The following ASAP3 variants were observed in gnomAD, a reference collection of about 807,000 sequenced individuals.
ASAP3 encodes the protein ArfGAP with SH3 domain, ankyrin repeat and PH domain 3, also known as arf-GAP with SH3 domain, ANK repeat and PH domain-containing protein 3.
In ASAP3, 85 loss-of-function variants were observed where a neutral mutation model predicts 118.2. The observed-to-expected ratio is 0.72, with a 90% CI of 0.60 to 0.86. ASAP3 has a LOEUF of 0.86. ASAP3 is among the 40% of genes least tolerant of loss of function. The pLI is 0.00. For missense variants in ASAP3, 1,026 were observed against 1,175.0 expected (o/e 0.87, Z 1.85); for synonymous variants, 432 against 477.4 (o/e 0.90, Z 1.24).
At chr1:23,430,860 G>T (rs1457326159) in intron 24 of ASAP3, among the ~76,000 whole-genome samples, 175 bp downstream of exon 24, 2 of 152,058 alleles carry the variant, frequency 1.3e-5, no homozygotes, top group Non-Finnish European at 2.9e-5. Context: ...ACAGGGACTG[G>T]CCAAACCGTG....
chr1:23,450,309 T>A (rs1362506936), intron 5 of ASAP3, among the ~76,000 whole-genome samples: 3 of 152,154 alleles, frequency 2.0e-5, no homozygotes, highest in Non-Finnish European at 4.4e-5. Context: ...AGGAACAGAT[T>A]AAATACATAA....
At chr1:23,431,488 C>T (rs530248573) in intron 23 of ASAP3, among the ~76,000 whole-genome samples, 2 of 152,272 alleles carry the variant, frequency 1.3e-5, no homozygotes, top group East Asian at 1.9e-4. Flanking sequence ...GGATCCCTGG[C>T]TCCTCCTCAG....
At position 23,448,944 on chromosome 1, in the gene ASAP3, G is replaced by A. The variant is rs1376472030; in HGVS notation, c.473+2535C>T. On this transcript the variant is annotated intron_variant, in intron 5 of 24. Transcript: ENST00000336689. Reference sequence around the variant, plus strand: ...AGGACTGGCTGGTGCCTAAGCCTTAGGGGCAGCCCAAGCAACCAACACTGT... The same window carrying A: ...AGGACTGGCTGGTGCCTAAGCCTTAAGGGCAGCCCAAGCAACCAACACTGT... Among the ~76,000 whole-genome samples the A allele has an allele frequency of 2.0e-5, 3 of 152,274 alleles. No homozygotes were observed. In the East Asian group the frequency reaches 5.8e-4, roughly 29 times the overall value.
At chr1:23,458,850 C>T (rs773882821) in intron 1 of ASAP3, among the ~76,000 whole-genome samples, 6 of 152,060 alleles carry the variant, frequency 3.9e-5, no homozygotes, top group South Asian at 2.1e-4. Flanking sequence ...GCTATGATTT[C>T]GCTCTAAAAG....
At chr1:23,461,209 T>A (rs1641574737) in intron 1 of ASAP3, among the ~76,000 whole-genome samples, 1 of 152,156 alleles carries the variant, frequency 6.6e-6, no homozygotes, top group African/African-American at 2.4e-5. Context: ...CTATGGACTT[T>A]TGGTGATGAT....
Position 23,436,410 on chromosome 1 carries a change from G to A in ASAP3, c.1571+150C>T, listed in dbSNP as rs567313466. 2.6e-4 allele frequency: 211 copies of A among 814,414 alleles called. No homozygotes were observed. Among genetic ancestry groups the A allele is most frequent in the African/African-American group, 1.8e-3 (107 of 58,314 alleles). 50.4% of individuals were successfully genotyped at this position (814,414 alleles called of 1,614,324 possible). A position where few individuals can be genotyped will look rare whatever the true frequency, so the allele number is the denominator to read the frequency against. ...ATTCCTGACCTCAAGTGATCCGCCC[G>A]CCTTGGCCTCCCAAAGTGCTGGGAT... On this transcript the variant is annotated intron_variant, in intron 16 of 24. Coordinates refer to ENST00000336689, the MANE Select transcript of ASAP3 (RefSeq NM_017707.4). The surrounding 1 kb of genome is among the most constrained non-coding windows in gnomAD (Gnocchi z 4.2).
chr1:23,462,338 G>A (rs189577167), intron 1 of ASAP3, among the ~76,000 whole-genome samples: 6 of 151,478 alleles, frequency 4.0e-5, no homozygotes, highest in Non-Finnish European at 5.9e-5. Flanking sequence ...ACTGTTTTTC[G>A]ATGCCCTTGT....
rs748214837 is a variant in ASAP3, at chr1:23,437,477, C to T, written c.1103-5G>A. The T allele has an allele frequency of 1.2e-6, 2 of 1,614,030 alleles. No individual in the cohort carries two copies. The highest frequency in any genetic ancestry group is 8.5e-7 in the Non-Finnish European group (1 of 1,179,960). On this transcript the variant is annotated splice_polypyrimidine_tract_variant and splice_region_variant and intron_variant, in intron 12 of 24. Transcript: ENST00000336689. This position sits in a 1 kb window ranked among gnomAD's most constrained non-coding sequence, Gnocchi z 6.1. Reference sequence around the variant, plus strand: ...GAAAGTGGTACGTCCGGTTGTCTGTCGGGAGAGAAGGGGGCTTCTGACCCA... The same window carrying T: ...GAAAGTGGTACGTCCGGTTGTCTGTTGGGAGAGAAGGGGGCTTCTGACCCA...
At chr1:23,457,715 G>T (rs984129583) in intron 1 of ASAP3, among the ~76,000 whole-genome samples, 1 of 152,170 alleles carries the variant, frequency 6.6e-6, no homozygotes, top group East Asian at 1.9e-4. Context: ...GTTTCATTGT[G>T]TTGGCCAGGT....
At chr1:23,472,617 G>A (rs532241943) in intron 1 of ASAP3, among the ~76,000 whole-genome samples, 1 of 152,218 alleles carries the variant, frequency 6.6e-6, no homozygotes, top group African/African-American at 2.4e-5. Context: ...TTTTGCTCTG[G>A]TGCCAGGACC....
Position 23,434,379 on chromosome 1 carries a change from G to A in ASAP3, c.1836-10C>T. The A allele has an allele frequency of 6.2e-7, 1 of 1,613,914 alleles. No homozygotes were observed. The highest frequency in any genetic ancestry group is 8.5e-7 in the Non-Finnish European group (1 of 1,179,804). On this transcript the variant is annotated splice_polypyrimidine_tract_variant and intron_variant, in intron 18 of 24. Coordinates refer to ENST00000336689, the MANE Select transcript of ASAP3 (RefSeq NM_017707.4). ...GGCATCCAGGTGACCACTGGGGAGA[G>A]GAGGGTTCAGGGAGAAAGGAAGGGG...
chr1:23,457,201 G>A (rs1016552052), intron 1 of ASAP3, among the ~76,000 whole-genome samples: 10 of 151,914 alleles, frequency 6.6e-5, no homozygotes, highest in South Asian at 2.1e-4. Flanking sequence ...TGGACTTCCC[G>A]GGTGCAACAG....
chr1:23,480,608 C>A (rs1558195877), intron 1 of ASAP3, among the ~76,000 whole-genome samples: 1 of 152,218 alleles, frequency 6.6e-6, no homozygotes, highest in Admixed American at 6.5e-5. Flanking sequence ...CTCCCTGTAA[C>A]AGGCTACTTC....
chr1:23,452,701 C>G lies in ASAP3; in HGVS notation c.419G>C (p.Arg140Pro), dbSNP rs139815549. ...SLMKGQLRDG[R>P]QDSKKQLEKA... Reference sequence around the variant, plus strand: ...ACTCCCAGCATGGAGACTCACCTGTCGACCGTCCCTCAGCTGCCCCTTCAT... The same window carrying G: ...ACTCCCAGCATGGAGACTCACCTGTGGACCGTCCCTCAGCTGCCCCTTCAT... The change falls in exon 4 of 25, where the codon CGA becomes CCA. Residue 140 changes from arginine to proline, a missense_variant. By Grantham distance (103) the Arg-to-Pro change is moderately radical. Transcript: ENST00000336689. 1 of 1,613,788 alleles carries G rather than the reference C, an allele frequency of 6.2e-7. No individual in the cohort carries two copies. The highest frequency in any genetic ancestry group is 1.1e-5 in the South Asian group (1 of 91,072).
chr1:23,443,489 G>T (rs6701079), intron 5 of ASAP3, among the ~76,000 whole-genome samples: 2,623 of 152,260 alleles, frequency 0.017, 79 homozygotes, highest in African/African-American at 0.059. Context: ...ATTTCAAAGT[G>T]CTTTCATTCT....
At chr1:23,467,738 T>TCAGGAGTTCAAGACCTGGTTCAAGTC (rs1553177861) in intron 1 of ASAP3, among the ~76,000 whole-genome samples, 1 of 151,708 alleles carries the variant, frequency 6.6e-6, no homozygotes, top group Non-Finnish European at 1.5e-5. Context: ...GATCACGAGG[T>TCAGGAGTTCAAGACCTGGTTCAAGTC]CAGGAGTTCA....
chr1:23,482,152 G>A (rs1047261139), intron 1 of ASAP3, among the ~76,000 whole-genome samples: 2 of 152,240 alleles, frequency 1.3e-5, no homozygotes, highest in African/African-American at 4.8e-5. Context: ...GGCTCTGTGA[G>A]ACAAATGAAG....
chr1:23,478,616 C>T (rs896032527), intron 1 of ASAP3, among the ~76,000 whole-genome samples: 8 of 151,762 alleles, frequency 5.3e-5, no homozygotes, highest in Admixed American at 6.6e-5. Context: ...AAAAATTATC[C>T]GGGCGTGGTG....
At chr1:23,431,567 T>A in intron 23 of ASAP3, 129 bp downstream of exon 23, 1 of 908,516 alleles carries the variant, frequency 1.1e-6, no homozygotes, top group Non-Finnish European at 1.6e-6. Flanking sequence ...CATTTCTGCA[T>A]AAGTGATGGG....
Sources: allele counts gnomAD v4.1 joint callset (sites outside exome capture counted in the v4.1 genomes callset), GRCh38; gene constraint gnomAD v4.1.1; non-coding constraint Gnocchi (gnomAD v3.1); transcripts MANE v1.5; gene names NCBI Gene and HGNC (gene_info 2026-07-23, HGNC 2026-07-21).